The following FILIP1L variants were observed in gnomAD, a reference collection of about 807,000 sequenced individuals.
FILIP1L encodes filamin A interacting protein 1 like.
In FILIP1L, 55 loss-of-function variants were observed where a neutral mutation model predicts 96.6. The observed-to-expected ratio is 0.57, with a 90% CI of 0.46 to 0.71. The LOEUF (loss-of-function observed/expected upper bound fraction) is 0.71. Ranked by LOEUF, FILIP1L falls within the 30% of genes least tolerant of loss-of-function variation. The pLI, the probability that FILIP1L is intolerant of heterozygous loss-of-function variation, is 0.00. For synonymous variants in FILIP1L, 467 were observed against 473.9 expected (o/e 0.99, Z 0.19); for missense variants, 1,304 against 1,321.2 (o/e 0.99, Z 0.20).
intron 1 of FILIP1L, among the ~76,000 whole-genome samples, chr3:100,107,187 G>A: frequency 6.6e-6 from 1 of 152,086 alleles, no homozygotes; most frequent in East Asian, 1.9e-4. Context: ...TGGACCTTTT[G>A]AGTTCTCTTT....
chr3:100,028,628 A>C (rs1354634293), intron 1 of FILIP1L, among the ~76,000 whole-genome samples: 1 of 152,216 alleles, frequency 6.6e-6, no homozygotes, highest in Admixed American at 6.6e-5. Context: ...AATACATGTA[A>C]ATTATAAATA....
intron 1 of FILIP1L, among the ~76,000 whole-genome samples, chr3:100,088,122 C>T (rs1024003157): frequency 1.3e-5 from 2 of 152,074 alleles, no homozygotes; most frequent in African/African-American, 4.8e-5. Context: ...TGAGCCACTG[C>T]ACCTGGCTCT....
intron 4 of FILIP1L, among the ~76,000 whole-genome samples, chr3:99,862,124 C>T (rs928694026): frequency 9.2e-5 from 14 of 152,220 alleles, no homozygotes; most frequent in Admixed American, 3.3e-4. Context: ...GTAACAAATA[C>T]GCTAATTAGC....
rs114579316 is a variant in FILIP1L at position 99,834,132 on chromosome 3, G to C, written c.3382-3527C>G. On this transcript the variant is annotated intron_variant, in intron 5 of 5. Coordinates refer to ENST00000477258, the MANE Select transcript of FILIP1L (RefSeq NM_001387850.1). ...CCCAAAATTTCATAATGATGCTTTG[G>C]CTTTTTTCTCTTGATTTTTCTCAGA... Among the ~76,000 whole-genome samples the C allele has an allele frequency of 6.0e-3, 918 of 152,254 alleles. 9 individuals are homozygous for C. Among genetic ancestry groups the C allele is most frequent in the Middle Eastern group, 0.027 (8 of 294 alleles).
chr3:100,109,919 A>G (rs1404418795), intron 1 of FILIP1L: 1 of 33,870 alleles, frequency 3.0e-5, no homozygotes, highest in Non-Finnish European at 5.8e-5. Flanking sequence ...CCCCCCCAGC[A>G]CCACCCCCCA....
chr3:99,833,214 A>G (rs1177847037), intron 5 of FILIP1L: 4 of 1,609,218 alleles, frequency 2.5e-6, no homozygotes, highest in African/African-American at 1.3e-5. Flanking sequence ...GAATGCCTTA[A>G]AAGTCTGAAG....
At chr3:99,948,744 A>G (rs1708089288) in intron 1 of FILIP1L, among the ~76,000 whole-genome samples, 1 of 151,490 alleles carries the variant, frequency 6.6e-6, no homozygotes, top group African/African-American at 2.4e-5. Context: ...AAGGAAAGGA[A>G]AAAAGAGGAA....
intron 1 of FILIP1L, among the ~76,000 whole-genome samples, chr3:100,096,520 A>G (rs546497741): frequency 6.6e-6 from 1 of 152,202 alleles, no homozygotes; most frequent in Admixed American, 6.5e-5. Context: ...CAAAAAGACA[A>G]ACATCACATG....
intron 1 of FILIP1L, among the ~76,000 whole-genome samples, chr3:100,104,208 G>A (rs1264540741): frequency 1.3e-5 from 2 of 152,168 alleles, no homozygotes; most frequent in Non-Finnish European, 2.9e-5. Context: ...GGTAGGGACT[G>A]CAAAGAAGCT....
At chr3:99,840,685 G>A (rs978687340) in intron 5 of FILIP1L, among the ~76,000 whole-genome samples, 2 of 152,182 alleles carry the variant, frequency 1.3e-5, no homozygotes, top group African/African-American at 2.4e-5. Context: ...GATTTAAGGA[G>A]GGTGGCAAGA....
intron 4 of FILIP1L, among the ~76,000 whole-genome samples, chr3:99,897,373 A>T (rs1389852961): frequency 6.6e-6 from 1 of 152,130 alleles, no homozygotes; most frequent in African/African-American, 2.4e-5. Context: ...TTGTCTCAAA[A>T]AAAAAAAAAG....
intron 4 of FILIP1L, among the ~76,000 whole-genome samples, chr3:99,866,580 C>T (rs1944534325): frequency 6.6e-6 from 1 of 152,012 alleles, no homozygotes; most frequent in Admixed American, 6.6e-5. Context: ...AAACAAGGAG[C>T]AAGGAAAATA....
At position 99,895,942 on chromosome 3, in the gene FILIP1L, A is replaced by G. The variant is rs139838837; in HGVS notation, c.605+28288T>C. On this transcript the variant is annotated intron_variant, in intron 4 of 5. Coordinates refer to ENST00000477258, the MANE Select transcript of FILIP1L (RefSeq NM_001387850.1). ...ATCATCTATGTTTGGTCAAGCTCTAAGCTGTAAAGATAGTCTTTTTGTAGA... is the reference window on the plus strand; with the variant it reads ...ATCATCTATGTTTGGTCAAGCTCTAGGCTGTAAAGATAGTCTTTTTGTAGA... Among the ~76,000 whole-genome samples the G allele has an allele frequency of 4.6e-3, 696 of 152,350 alleles. 2 individuals carry two copies. Among genetic ancestry groups the G allele is most frequent in the South Asian group, 7.0e-3 (34 of 4,828 alleles).
intron 1 of FILIP1L, among the ~76,000 whole-genome samples, chr3:100,011,507 A>T (rs1339700904): frequency 6.6e-6 from 1 of 152,140 alleles, no homozygotes; most frequent in Non-Finnish European, 1.5e-5. Context: ...CCTTCCCTCC[A>T]GTTTTAATTT....
chr3:99,830,799 T>C (rs534013869), intron 5 of FILIP1L, among the ~76,000 whole-genome samples, 194 bp from the exon 6 acceptor site: 1 of 152,332 alleles, frequency 6.6e-6, no homozygotes, highest in East Asian at 1.9e-4. Flanking sequence ...GAATGTGTGC[T>C]GTGTGCACAG....
In FILIP1L at chr3:99,975,446, G is replaced by A. The variant is rs144683437; in HGVS notation, c.-10-44416C>T. ...GTCTCTGCTAAAAATACAAAAATTAGCTGAGTATGGTGGCGGGCGCCTGTA... is the reference window on the plus strand; with the variant it reads ...GTCTCTGCTAAAAATACAAAAATTAACTGAGTATGGTGGCGGGCGCCTGTA... On this transcript the variant is annotated intron_variant, in intron 1 of 5. Transcript: ENST00000477258. 3.7e-3 allele frequency among the ~76,000 whole-genome samples: 568 copies of A among 152,150 alleles called. 3 individuals are homozygous for A. Among genetic ancestry groups the A allele is most frequent in the African/African-American group, 0.013 (540 of 41,502 alleles).
At chr3:99,993,264 T>C (rs1205950691) in intron 1 of FILIP1L, among the ~76,000 whole-genome samples, 1 of 152,122 alleles carries the variant, frequency 6.6e-6, no homozygotes, top group Non-Finnish European at 1.5e-5. Flanking sequence ...TAATATTGAT[T>C]CTTCAATCTA....
intron 4 of FILIP1L, among the ~76,000 whole-genome samples, chr3:99,896,120 T>C (rs1706243953): frequency 6.6e-6 from 1 of 152,074 alleles, no homozygotes; most frequent in Non-Finnish European, 1.5e-5. Context: ...AAAAGGAAGT[T>C]AAGGGAAAAC....
chr3:99,932,937 G>A (rs1315999334), intron 1 of FILIP1L, among the ~76,000 whole-genome samples: 4 of 152,126 alleles, frequency 2.6e-5, no homozygotes, highest in Non-Finnish European at 5.9e-5. Flanking sequence ...ACCTGATCTG[G>A]AAGTGAGGGA....
Sources: gnomAD v4.1 joint callset for allele counts (sites outside exome capture counted in the v4.1 genomes callset) on GRCh38, gnomAD v4.1.1 for gene constraint, MANE v1.5 for transcripts, NCBI Gene and HGNC (gene_info 2026-07-23, HGNC 2026-07-21) for gene names.